The following NRXN1 variants were observed in gnomAD, a reference collection of about 807,000 sequenced individuals.
NRXN1 encodes neurexin 1.
A neutral mutation model predicts 150.9 loss-of-function variants in NRXN1; 39 were observed. The ratio of observed to expected loss-of-function variants is 0.26; its 90% CI spans 0.20 to 0.34. The LOEUF (loss-of-function observed/expected upper bound fraction) is 0.34, where lower values mean the gene tolerates loss of function less well. Among genes scored for constraint, NRXN1 ranks in the 10% least tolerant of loss-of-function variants. The pLI is 1.00. For missense variants in NRXN1, 1,815 were observed against 1,949.9 expected, an observed-to-expected ratio of 0.93 and a Z score of 1.30; for synonymous variants, 924 against 757.0, an observed-to-expected ratio of 1.22 and a Z score of -3.62.
intron 12 of NRXN1, among the ~76,000 whole-genome samples, chr2:50,523,814 C>T (rs1407075776): frequency 6.6e-6 from 1 of 152,230 alleles, no homozygotes; most frequent in East Asian, 1.9e-4. Context: ...TACTTGGGCA[C>T]TGGACTGCAA....
intron 19 of NRXN1, among the ~76,000 whole-genome samples, chr2:50,075,869 A>G (rs2152676511): frequency 6.6e-6 from 1 of 151,970 alleles, no homozygotes; most frequent in Non-Finnish European, 1.5e-5. Flanking sequence ...CCAAGCACAG[A>G]CTGTATTTCA....
intron 2 of NRXN1, among the ~76,000 whole-genome samples, chr2:50,979,071 G>A (rs1696365560): frequency 6.6e-6 from 1 of 152,008 alleles, no homozygotes; most frequent in African/African-American, 2.4e-5. Context: ...TTCTAAATTT[G>A]ATTTAACAAG....
chr2:50,288,419 C>G (rs1435926568), intron 17 of NRXN1, among the ~76,000 whole-genome samples: 1 of 151,914 alleles, frequency 6.6e-6, no homozygotes, highest in African/African-American at 2.4e-5. Flanking sequence ...TTGAGAAACT[C>G]TCAGATAAAG....
intron 8 of NRXN1, among the ~76,000 whole-genome samples, chr2:50,556,941 T>G (rs1381655790): frequency 3.3e-5 from 5 of 152,146 alleles, no homozygotes; most frequent in Admixed American, 3.3e-4. Context: ...TATGTGTGAT[T>G]TGGGACAGAC....
intron 17 of NRXN1, among the ~76,000 whole-genome samples, chr2:50,437,646 C>T (rs549253096): frequency 6.6e-6 from 1 of 152,014 alleles, no homozygotes; most frequent in African/African-American, 2.4e-5. Context: ...TGTCTCTGAT[C>T]TTGAAATTAT....
intron 2 of NRXN1, among the ~76,000 whole-genome samples, chr2:50,943,639 A>T (rs1689850230): frequency 6.6e-6 from 1 of 152,188 alleles, no homozygotes; most frequent in African/African-American, 2.4e-5. Context: ...CAGGCCTTGT[A>T]GATCTTGATG....
intron 17 of NRXN1, among the ~76,000 whole-genome samples, chr2:50,378,950 G>A (rs2080729882): frequency 1.3e-5 from 2 of 152,064 alleles, no homozygotes; most frequent in Admixed American, 6.6e-5. Context: ...TTTGTTTAAT[G>A]TAAACATTCT....
At chr2:50,726,945 G>T (rs999022680) in intron 5 of NRXN1, among the ~76,000 whole-genome samples, 4 of 151,992 alleles carry the variant, frequency 2.6e-5, no homozygotes, top group African/African-American at 9.7e-5. Flanking sequence ...AATATCATTT[G>T]TTCAATTTAA....
At chr2:50,675,224 T>C (rs192464078) in intron 5 of NRXN1, among the ~76,000 whole-genome samples, 1 of 152,242 alleles carries the variant, frequency 6.6e-6, no homozygotes, top group Admixed American at 6.5e-5. Context: ...GTCTCAGGTA[T>C]TGACTTACAG....
At chr2:50,704,237 AT>A (rs1207868051) in intron 5 of NRXN1, among the ~76,000 whole-genome samples, 3 of 152,122 alleles carry the variant, frequency 2.0e-5, no homozygotes, top group Admixed American at 2.0e-4. Context: ...TAATCCAAAT[AT>A]AGTTTTTTTA....
At chr2:50,582,860 G>A (rs10177104) in intron 8 of NRXN1, among the ~76,000 whole-genome samples, 71,833 of 151,820 alleles carry the variant, frequency 0.47, 18,678 homozygotes, top group African/African-American at 0.69. Context: ...ATCAGAACCA[G>A]TCCCACGTAC....
chr2:49,959,742 G>A (rs1250911037), intron 21 of NRXN1, among the ~76,000 whole-genome samples: 1 of 152,146 alleles, frequency 6.6e-6, no homozygotes, highest in Non-Finnish European at 1.5e-5. Context: ...CCTGGTGCGT[G>A]ATAAATTCAA....
At chr2:50,275,557 T>C (rs2070327021) in intron 17 of NRXN1, among the ~76,000 whole-genome samples, 1 of 152,084 alleles carries the variant, frequency 6.6e-6, no homozygotes, top group Admixed American at 6.6e-5. Context: ...TCCCAGAACA[T>C]AATTGTTGCC....
chr2:50,943,230 T>C (rs1473172982), intron 2 of NRXN1, among the ~76,000 whole-genome samples: 1 of 152,130 alleles, frequency 6.6e-6, no homozygotes, highest in Non-Finnish European at 1.5e-5. Flanking sequence ...TCTTTATAAA[T>C]TACCAAGTCT....
chr2:50,899,310 AG>A (rs1349626692), intron 5 of NRXN1, among the ~76,000 whole-genome samples: 4 of 152,192 alleles, frequency 2.6e-5, no homozygotes, highest in Non-Finnish European at 5.9e-5. Flanking sequence ...AAACGTTATC[AG>A]ATAAAACTGG....
chr2:50,533,052 A>G (rs1327796371), intron 10 of NRXN1, among the ~76,000 whole-genome samples: 3 of 152,146 alleles, frequency 2.0e-5, no homozygotes, highest in African/African-American at 7.2e-5. Context: ...TTGTAAGTTT[A>G]TTTTTCAGAA....
In NRXN1 at chr2:50,511,779, G is replaced by C. The variant is rs114798893; in HGVS notation, c.2375-5162C>G. ...TGTGTATGTGGGTGTGTGTGTGTGA[G>C]AGGGATAGAGAGAGAGACACACACT... On this transcript the variant is annotated intron_variant, in intron 12 of 22. Transcript: ENST00000401669. 6.7e-3 allele frequency among the ~76,000 whole-genome samples: 1,024 copies of C among 152,250 alleles called. 5 individuals are homozygous for C. The highest frequency in any genetic ancestry group is 0.024 in the African/African-American group (989 of 41,556).
intron 2 of NRXN1, among the ~76,000 whole-genome samples, chr2:50,973,807 T>C (rs185185197): frequency 6.6e-6 from 1 of 152,252 alleles, no homozygotes; most frequent in African/African-American, 2.4e-5. Flanking sequence ...TTCATATTTT[T>C]TATTTATCTC....
intron 18 of NRXN1, among the ~76,000 whole-genome samples, chr2:50,188,571 T>A (rs1314495120): frequency 7.2e-5 from 11 of 151,946 alleles, no homozygotes. Flanking sequence ...TAAACTATCA[T>A]TAGAGTGAAT....
Sources: allele counts gnomAD v4.1 joint callset (sites outside exome capture counted in the v4.1 genomes callset), GRCh38; gene constraint gnomAD v4.1.1; transcripts MANE v1.5; gene names NCBI Gene and HGNC (gene_info 2026-07-23, HGNC 2026-07-21).